Variants in ARID5B observed in about 807,000 individuals in gnomAD.
The protein encoded by ARID5B is AT-rich interactive domain-containing protein 5B.
A neutral mutation model predicts 97.2 loss-of-function variants in ARID5B; 13 were observed. The observed-to-expected ratio is 0.13, with a 90% CI of 0.09 to 0.21. ARID5B has a LOEUF of 0.21. Ranked by LOEUF, ARID5B falls within the 10% of genes least tolerant of loss-of-function variation. The probability of loss-of-function intolerance (pLI) is 1.00; values close to 1 mark genes in which losing one functional copy is unlikely to be tolerated. For missense variants in ARID5B, 1,210 were observed against 1,465.3 expected, an observed-to-expected ratio of 0.83 and a Z score of 2.84; for synonymous variants, 556 against 570.3, an observed-to-expected ratio of 0.97 and a Z score of 0.36.
At chr10:61,990,932 C>G (rs866221464) in intron 3 of ARID5B, among the ~76,000 whole-genome samples, 3 of 152,100 alleles carry the variant, frequency 2.0e-5, no homozygotes, top group South Asian at 2.1e-4. Flanking sequence ...CCCTCCTAGA[C>G]CCCCTGCACC....
chr10:62,067,789 T>G (rs1442544120), intron 7 of ARID5B, among the ~76,000 whole-genome samples: 2 of 152,262 alleles, frequency 1.3e-5, no homozygotes, highest in East Asian at 3.8e-4. Context: ...ATCTCCCTTC[T>G]TCTGTGAATG....
At chr10:62,002,949 G>A (rs1214361596) in intron 4 of ARID5B, among the ~76,000 whole-genome samples, 6 of 152,162 alleles carry the variant, frequency 3.9e-5, no homozygotes, top group African/African-American at 1.2e-4. Flanking sequence ...CATATCACCA[G>A]GTGGATGAAT....
chr10:62,048,681 G>T (rs183213323), intron 4 of ARID5B, among the ~76,000 whole-genome samples: 1 of 152,224 alleles, frequency 6.6e-6, no homozygotes, highest in African/African-American at 2.4e-5. Context: ...AATAAACCCA[G>T]TTTGGGGATG....
chr10:62,061,938 T>C (rs1168265486), intron 7 of ARID5B, among the ~76,000 whole-genome samples: 1 of 152,242 alleles, frequency 6.6e-6, no homozygotes, highest in African/African-American at 2.4e-5. Flanking sequence ...AAGGCATTTC[T>C]GCTTCATCCC....
At chr10:62,032,498 C>T (rs539775147) in intron 4 of ARID5B, among the ~76,000 whole-genome samples, 3 of 152,062 alleles carry the variant, frequency 2.0e-5, no homozygotes, top group South Asian at 4.2e-4. Context: ...CGGCAGATCA[C>T]GAGGTCAAGA....
chr10:62,079,420 C>T (rs987211375), intron 8 of ARID5B, among the ~76,000 whole-genome samples: 1 of 152,138 alleles, frequency 6.6e-6, no homozygotes, highest in African/African-American at 2.4e-5. Context: ...GAAATTAAAG[C>T]ATGCAGAGTG....
chr10:62,061,291 A>G (rs748975857), intron 7 of ARID5B, among the ~76,000 whole-genome samples: 2 of 152,250 alleles, frequency 1.3e-5, no homozygotes, highest in Non-Finnish European at 2.9e-5. Flanking sequence ...TTTGGGAAGA[A>G]TTCTGGGGAA....
intron 8 of ARID5B, among the ~76,000 whole-genome samples, chr10:62,075,024 G>A (rs1215651826): frequency 6.6e-6 from 1 of 152,200 alleles, no homozygotes; most frequent in Non-Finnish European, 1.5e-5. Context: ...AGCATCAGAT[G>A]GGAAATTTAG....
intron 3 of ARID5B, among the ~76,000 whole-genome samples, chr10:61,987,093 C>T (rs1838857383): frequency 6.6e-6 from 1 of 151,978 alleles, no homozygotes; most frequent in African/African-American, 2.4e-5. Context: ...AGCTGCCAGG[C>T]CAAAGCAGAG....
At chr10:61,921,740 C>A (rs1445663540) in intron 2 of ARID5B, among the ~76,000 whole-genome samples, 1 of 152,218 alleles carries the variant, frequency 6.6e-6, no homozygotes, top group Admixed American at 6.5e-5. Flanking sequence ...CAGCTGGCAA[C>A]AGAGCCAATC....
At chr10:61,983,584 C>T (rs1207108880) in intron 3 of ARID5B, among the ~76,000 whole-genome samples, 2 of 151,974 alleles carry the variant, frequency 1.3e-5, no homozygotes, top group South Asian at 4.1e-4. Flanking sequence ...TATAGATGTT[C>T]TCTGTCCACA....
chr10:61,984,010 C>G (rs1443812285), intron 3 of ARID5B, among the ~76,000 whole-genome samples: 1 of 24,186 alleles, frequency 4.1e-5, no homozygotes, highest in East Asian at 1.5e-3. Flanking sequence ...GCCTCAGCCT[C>G]CCGAGTAGCT....
At chr10:62,001,025 C>T (rs146460933) in intron 4 of ARID5B, among the ~76,000 whole-genome samples, 74 of 152,230 alleles carry the variant, frequency 4.9e-4, no homozygotes, top group African/African-American at 1.7e-3. Flanking sequence ...TACATGTAGA[C>T]AGAAGGGGAG....
chr10:61,902,522 G>A, intron 2 of ARID5B, 109 bp downstream of exon 2: 1 of 1,437,682 alleles, frequency 7.0e-7, no homozygotes, highest in Non-Finnish European at 9.4e-7. Flanking sequence ...AGGCAAGCAG[G>A]ATCGACTCCT....
intron 3 of ARID5B, among the ~76,000 whole-genome samples, chr10:61,989,286 T>C (rs1838890627): frequency 6.6e-6 from 1 of 152,194 alleles, no homozygotes; most frequent in South Asian, 2.1e-4. Context: ...CTGGGTTAGA[T>C]AAAATAGCTT....
chr10:61,959,078 A>G (rs981596534), intron 3 of ARID5B, among the ~76,000 whole-genome samples: 1 of 152,166 alleles, frequency 6.6e-6, no homozygotes, highest in Non-Finnish European at 1.5e-5. Flanking sequence ...TCACTGCAAT[A>G]TTTTCATATT....
intron 9 of ARID5B, among the ~76,000 whole-genome samples, chr10:62,087,066 C>T (rs1052685128): frequency 1.3e-5 from 2 of 151,768 alleles, no homozygotes; most frequent in African/African-American, 4.8e-5. Context: ...TTTGGGAGGC[C>T]GAGGCGGTGG....
rs1429613954 is a variant in ARID5B at position 62,091,139 on chromosome 10, C to T, written c.1676C>T (p.Ala559Val). The change falls in exon 10 of 10, where the codon GCC (alanine) becomes GTC (valine). Residue 559 changes from alanine to valine, a missense_variant. Physicochemically the swap from Ala to Val is moderately conservative, Grantham distance 64 (BLOSUM62 0). Transcript: ENST00000279873. ...AAAGATTCAGCCTTGGTCCCTGGGG[C>T]CAGCAAACAGCCACTCACCTCTCCT... Reference protein sequence around the residue: ...PEKDSALVPGASKQPLTSPSA... With the variant: ...PEKDSALVPGVSKQPLTSPSA... 14 of 1,614,132 alleles carry T rather than the reference C, an allele frequency of 8.7e-6. No individual in the cohort carries two copies. Among genetic ancestry groups the T allele is most frequent in the Non-Finnish European group, 1.2e-5 (14 of 1,180,032 alleles).
chr10:62,078,897 G>A (rs944252107), intron 8 of ARID5B, among the ~76,000 whole-genome samples: 6 of 152,188 alleles, frequency 3.9e-5, no homozygotes, highest in Non-Finnish European at 8.8e-5. Context: ...CTTACCATCC[G>A]ATATTAAGTT....
Sources: allele counts gnomAD v4.1 joint callset (sites outside exome capture counted in the v4.1 genomes callset), GRCh38; gene constraint gnomAD v4.1.1; transcripts MANE v1.5; gene names NCBI Gene and HGNC (gene_info 2026-07-23, HGNC 2026-07-21).